Variants in HACL1 observed in about 807,000 individuals in gnomAD.
The protein encoded by HACL1 is 1600020H07Rik.
In HACL1, 64 loss-of-function variants were observed where a neutral mutation model predicts 74.2. The observed-to-expected ratio is 0.86, with a 90% CI of 0.70 to 1.06. The LOEUF (loss-of-function observed/expected upper bound fraction) is 1.06, where lower values mean the gene tolerates loss of function less well. Ranked by LOEUF, HACL1 falls within the 50% of genes least tolerant of loss-of-function variation. HACL1 has a pLI of 0.00. For synonymous variants in HACL1, 230 were observed against 238.8 expected (o/e 0.96, Z 0.34); for missense variants, 728 against 719.7 (o/e 1.01, Z -0.13).
chr3:15,575,973 T>C lies in HACL1; in HGVS notation c.804-891A>G, dbSNP rs190835716. On this transcript the variant is annotated intron_variant, in intron 9 of 16. Transcript: ENST00000321169. The stretch of plus-strand genomic sequence containing the variant: ...CAGATGGAGACCACCCTGGCCAACA[T>C]AGTGAAACCCCATCTCTACTAAAAA... 2.0e-4 allele frequency among the ~76,000 whole-genome samples: 30 copies of C among 150,202 alleles called. No individual in the cohort carries two copies. In the South Asian group the frequency reaches 3.0e-3, roughly 15 times the overall value.
At chr3:15,586,995 G>C (rs946123550) in intron 5 of HACL1, among the ~76,000 whole-genome samples, 10 of 152,138 alleles carry the variant, frequency 6.6e-5, no homozygotes, top group Non-Finnish European at 1.2e-4. Flanking sequence ...AACTTCATCT[G>C]TTAGATTTTG....
At chr3:15,585,214 T>C (rs778220010) in intron 7 of HACL1, 34 bp downstream of exon 7, 9 of 1,021,328 alleles carry the variant, frequency 8.8e-6, no homozygotes, top group African/African-American at 1.6e-5. Context: ...TACATGTACA[T>C]TGAAGAAAGA....
At chr3:15,567,533 TC>T (rs144598820) in intron 14 of HACL1, among the ~76,000 whole-genome samples, 9,226 of 152,216 alleles carry the variant, frequency 0.061, 856 homozygotes, top group African/African-American at 0.2. Context: ...GCCATGCTCT[TC>T]AACCACCACA....
intron 3 of HACL1, among the ~76,000 whole-genome samples, chr3:15,595,604 CTTTTTTTT>C (rs764183329): frequency 6.2e-5 from 6 of 97,340 alleles, no homozygotes; most frequent in African/African-American, 1.6e-4. Flanking sequence ...ATCTTTTTTC[CTTTTTTTT>C]TTTTTTTTTT....
rs773384256 is a variant in HACL1, at chr3:15,573,158, C to G, written c.993+1G>C. ...ACATAAACTAAAACAAAAGTTCTCA[C>G]CTGCTTAGTGACAGCATGTATGTTT... On this transcript the variant is annotated splice_donor_variant, in intron 11 of 16. Coordinates refer to ENST00000321169, the MANE Select transcript of HACL1 (RefSeq NM_012260.4). LOFTEE classifies it high-confidence loss of function. 1 of 1,570,508 alleles carries G rather than the reference C, an allele frequency of 6.4e-7. No homozygotes were observed. The highest frequency in any genetic ancestry group is 1.1e-5 in the South Asian group (1 of 90,180).
chr3:15,597,994 T>C (rs1483525551), intron 2 of HACL1, among the ~76,000 whole-genome samples: 2 of 152,046 alleles, frequency 1.3e-5, no homozygotes, highest in African/African-American at 2.4e-5. Flanking sequence ...GGTAACTGTT[T>C]TGTTTTGTTT....
chr3:15,591,955 T>G (rs1411218293), intron 3 of HACL1, among the ~76,000 whole-genome samples: 1 of 149,584 alleles, frequency 6.7e-6, no homozygotes, highest in Non-Finnish European at 1.5e-5. Flanking sequence ...ATACACACAC[T>G]ATATACATAG....
intron 2 of HACL1, among the ~76,000 whole-genome samples, chr3:15,600,441 G>A (rs1245866553): frequency 6.6e-6 from 1 of 152,258 alleles, no homozygotes; most frequent in Non-Finnish European, 1.5e-5. Context: ...GGCAGAGGAT[G>A]CACTTAAAGT....
At chr3:15,561,133 T>C (rs949756993) in intron 16 of HACL1, among the ~76,000 whole-genome samples, 2 of 152,146 alleles carry the variant, frequency 1.3e-5, no homozygotes, top group Admixed American at 6.5e-5. Context: ...TTCACAGTAA[T>C]CAGAGCACAA....
chr3:15,593,796 C>CTTTTTTTTTTTTT (rs1322426326), intron 3 of HACL1, among the ~76,000 whole-genome samples: 2 of 111,368 alleles, frequency 1.8e-5, no homozygotes, highest in Non-Finnish European at 3.8e-5. Context: ...TTTTTTTTGT[C>CTTTTTTTTTTTTT]TTTTTTTTTT....
chr3:15,567,945 A>C lies in HACL1; in HGVS notation c.1308T>G (p.Ala436=), dbSNP rs367905313. 1.1e-4 allele frequency: 181 copies of C among 1,613,836 alleles called. No homozygotes were observed. The highest frequency in any genetic ancestry group is 1.5e-4 in the Non-Finnish European group (174 of 1,179,792). The change falls in exon 14 of 17, where the codon GCT becomes GCG. Residue 436 remains alanine (A), a synonymous_variant. Coordinates refer to ENST00000321169, the MANE Select transcript of HACL1 (RefSeq NM_012260.4). ...GGCTTCTATCTTTAGCCACCACGGC[A>C]GCTGCAATAGCAAATCCCAAACCAA... is the stretch of plus-strand genomic sequence containing the variant. The part of the protein sequence containing the change: ...MGVGLGFAIA[A]AVVAKDRSPG...
chr3:15,568,767 A>G (rs1023191273), intron 12 of HACL1, among the ~76,000 whole-genome samples, 181 bp from the exon 13 acceptor site: 1 of 152,238 alleles, frequency 6.6e-6, no homozygotes, highest in Non-Finnish European at 1.5e-5. Context: ...CCTGGGGGAC[A>G]TGTGTACCAC....
rs746041859 is a variant in HACL1 at position 15,601,530 on chromosome 3, C to G, written c.-67G>C. 3 of 1,608,212 alleles carry G rather than the reference C, an allele frequency of 1.9e-6. No homozygotes were observed. Among genetic ancestry groups the G allele is most frequent in the Non-Finnish European group, 2.5e-6 (3 of 1,179,956 alleles). ...AAGCGGAATCATCCAGCAAGGCAAA[C>G]GCGAAATCGGCAGCACGCCACCTCT... On this transcript the variant is annotated 5_prime_UTR_variant, in exon 1 of 17. Coordinates refer to ENST00000321169, the MANE Select transcript of HACL1 (RefSeq NM_012260.4).
At chr3:15,576,273 T>C (rs1193682273) in intron 9 of HACL1, among the ~76,000 whole-genome samples, 1 of 151,872 alleles carries the variant, frequency 6.6e-6, no homozygotes, top group Non-Finnish European at 1.5e-5. Flanking sequence ...TTTTCTCAAT[T>C]GCTAGATATT....
At chr3:15,575,124 T>A (rs998035218) in intron 9 of HACL1, 42 bp from the exon 10 acceptor site, 1 of 1,002,912 alleles carries the variant, frequency 1.0e-6, no homozygotes. Flanking sequence ...ACATTTCTTA[T>A]TTGAATTATT....
rs1249774172 is a variant in HACL1 at position 15,573,216 on chromosome 3, C to G, written c.936G>C (p.Gly312=). 3.7e-6 allele frequency: 6 copies of G among 1,608,010 alleles called. No individual in the cohort carries two copies. Among genetic ancestry groups the G allele is most frequent in the Non-Finnish European group, 5.1e-6 (6 of 1,174,676 alleles). ...IQVDICAEEL[G]NNVKPAVTLL... ...AAGTAACAGCGGGCTTTACATTATT[C>G]CCCAATTCTTCTGCACAGATATCAA... Residue 312 remains glycine (G), a synonymous_variant, in exon 11 of 17, where the codon GGG becomes GGC. Coordinates refer to ENST00000321169, the MANE Select transcript of HACL1 (RefSeq NM_012260.4).
Position 15,564,607 on chromosome 3 carries a change from T to G in HACL1, c.1461A>C (p.Gln487His). 6.3e-7 allele frequency: 1 copy of G among 1,583,092 alleles called. No individual in the cohort carries two copies. Among genetic ancestry groups the G allele is most frequent in the South Asian group, 1.1e-5 (1 of 89,352 alleles). ...CTTTCCAAGTATCTGTATCAAAACC[T>G]TGGTAAATTCCATTGTTATTCACTA... ...LLVVNNNGIY[Q>H]GFDTDTWKEM... The change falls in exon 15 of 17, where the codon CAA becomes CAC. Residue 487 changes from glutamine (Q) to histidine (H), a missense_variant. Coordinates refer to ENST00000321169, the MANE Select transcript of HACL1 (RefSeq NM_012260.4).
At chr3:15,601,218 TA>T in intron 1 of HACL1, 24 bp from the exon 2 acceptor site, 1 of 1,581,908 alleles carries the variant, frequency 6.3e-7, no homozygotes, top group Non-Finnish European at 8.7e-7. Flanking sequence ...AACAGGGGAG[TA>T]AACTCCCAAG....
chr3:15,564,095 G>A (rs1003824940), intron 15 of HACL1, among the ~76,000 whole-genome samples: 3 of 152,212 alleles, frequency 2.0e-5, no homozygotes, highest in Non-Finnish European at 4.4e-5. Context: ...ATTCATATCT[G>A]TCTCACATTC....
Sources: allele counts gnomAD v4.1 joint callset (sites outside exome capture counted in the v4.1 genomes callset), GRCh38; gene constraint gnomAD v4.1.1; transcripts MANE v1.5; gene names NCBI Gene and HGNC (gene_info 2026-07-23, HGNC 2026-07-21).